SEMA4D: variants seen among roughly 807,000 people sequenced by gnomAD.
The protein encoded by SEMA4D is semaphorin-4D.
A neutral mutation model predicts 74.8 loss-of-function variants in SEMA4D; 22 were observed. That is an observed-to-expected ratio of 0.29 (90% confidence interval 0.21 to 0.42). The LOEUF (loss-of-function observed/expected upper bound fraction) is 0.42, where lower values mean the gene tolerates loss of function less well. SEMA4D is among the 10% of genes least tolerant of loss of function. SEMA4D has a pLI of 1.00. For synonymous variants in SEMA4D, 445 were observed against 463.7 expected, an observed-to-expected ratio of 0.96 and a Z score of 0.52; for missense variants, 937 against 1,118.4, an observed-to-expected ratio of 0.84 and a Z score of 2.31.
intron 1 of SEMA4D, among the ~76,000 whole-genome samples, chr9:89,483,720 T>C (rs1824913075): frequency 3.0e-5 from 3 of 101,532 alleles, no homozygotes; most frequent in African/African-American, 9.8e-5. Context: ...CTTACTGGCA[T>C]GTGTGCATCT....
At chr9:89,375,139 C>T (rs1315333669), downstream of SEMA4D, among the ~76,000 whole-genome samples, 1 of 152,228 alleles carries the variant, frequency 6.6e-6, no homozygotes, top group East Asian at 1.9e-4. Flanking sequence ...GGGTCCACGG[C>T]CAGTTCATAG....
rs150822143 is a variant in SEMA4D at position 89,400,142 on chromosome 9, G to A, written c.253-804C>T. Among the ~76,000 whole-genome samples the A allele has an allele frequency of 4.9e-3, 743 of 151,442 alleles. 7 individuals carry two copies. Among genetic ancestry groups the A allele is most frequent in the African/African-American group, 0.016 (677 of 41,364 alleles). ...CATGTTGGCAGCAGGAGGAAGTGAT[G>A]AACTAACACCACCAGCTCAGCTCAG... On this transcript the variant is annotated intron_variant, in intron 4 of 15. Coordinates refer to ENST00000422704, the MANE Select transcript of SEMA4D (RefSeq NM_001371194.2).
chr9:89,393,429 C>T (rs1840273095), intron 7 of SEMA4D, 133 bp downstream of exon 7: 4 of 715,044 alleles, frequency 5.6e-6, no homozygotes, highest in Admixed American at 2.7e-5. Flanking sequence ...TCACATGTGC[C>T]TTTTGTAAGG....
chr9:89,385,866 G>GGGGGGGGCCCCCCCCC, intron 13 of SEMA4D: 4 of 196,226 alleles, frequency 2.0e-5, no homozygotes, highest in Non-Finnish European at 3.6e-5. Flanking sequence ...CAGCGTGGAT[G>GGGGGGGGCCCCCCCCC]CCCGCCCACC....
chr9:89,388,557 A>G (rs1839080640), intron 11 of SEMA4D, 79 bp downstream of exon 11: 2 of 1,508,588 alleles, frequency 1.3e-6, no homozygotes, highest in African/African-American at 2.8e-5. Flanking sequence ...GCCCATGAGC[A>G]GGCCCCAGTG....
chr9:89,439,718 C>T (rs940551732), intron 2 of SEMA4D, among the ~76,000 whole-genome samples: 2 of 152,170 alleles, frequency 1.3e-5, no homozygotes, highest in African/African-American at 4.8e-5. Context: ...GGCCGGACCC[C>T]AGAGTGCACT....
At chr9:89,462,907 G>A (rs2135739614) in intron 1 of SEMA4D, among the ~76,000 whole-genome samples, 1 of 7,756 alleles carries the variant, frequency 1.3e-4, no homozygotes, top group Middle Eastern at 0.031. Context: ...TCATGTCACT[G>A]CACTCCAGCT....
exon 17 of SEMA4D, chr9:89,363,898 G>C: frequency 6.2e-7 from 1 of 1,614,086 alleles, no homozygotes. Flanking sequence ...CAGGGACACA[G>C]GTCTCCAGAG....
Position 89,393,471 on chromosome 9 carries a change from C to T in SEMA4D, c.508+91G>A, listed in dbSNP as rs879183575. On this transcript the variant is annotated intron_variant, in intron 7 of 15. Transcript: ENST00000422704. ...CCTATTTAAACAAAGCCAAGGAAGA[C>T]AGCACTTCAGAGAAGATCCAAATAT... The T allele has an allele frequency of 7.5e-6, 8 of 1,071,096 alleles. No individual in the cohort carries two copies. In the South Asian group the frequency reaches 1.1e-4, roughly 14 times the overall value. 66.3% of individuals were successfully genotyped at this position (1,071,096 alleles called of 1,614,324 possible). A position where few individuals can be genotyped will look rare whatever the true frequency, so the allele number is the denominator to read the frequency against.
Position 89,438,419 on chromosome 9 carries a change from C to T in SEMA4D, c.-244+17469G>A, listed in dbSNP as rs550486517. 1.4e-3 allele frequency among the ~76,000 whole-genome samples: 210 copies of T among 152,330 alleles called. 1 individual carries two copies. The highest frequency in any genetic ancestry group is 4.9e-3 in the African/African-American group (202 of 41,578). ...GAATGCAACAAGAAGGTGAGCAGGA[C>T]GACATTCACCGCGGGAGCCTGGTGA... On this transcript the variant is annotated intron_variant, in intron 2 of 15. Transcript: ENST00000422704.
chr9:89,491,141 G>A (rs957554990), intron 1 of SEMA4D, among the ~76,000 whole-genome samples: 1 of 152,230 alleles, frequency 6.6e-6, no homozygotes, highest in African/African-American at 2.4e-5. Flanking sequence ...GGGACTCCAC[G>A]TGGAAAGCAC....
chr9:89,450,221 T>C (rs1854018693), intron 2 of SEMA4D: 3 of 1,232,750 alleles, frequency 2.4e-6, no homozygotes, highest in East Asian at 2.3e-5. Flanking sequence ...TTGAGGTACA[T>C]GAAGTATATG....
chr9:89,398,076 C>T (rs1444332345), intron 5 of SEMA4D, among the ~76,000 whole-genome samples: 2 of 152,196 alleles, frequency 1.3e-5, no homozygotes, highest in African/African-American at 4.8e-5. Flanking sequence ...CAAAACCCCA[C>T]ATGTGAGCCA....
At chr9:89,451,500 T>C (rs1854494749) in intron 2 of SEMA4D, among the ~76,000 whole-genome samples, 1 of 152,206 alleles carries the variant, frequency 6.6e-6, no homozygotes, top group Non-Finnish European at 1.5e-5. Flanking sequence ...GAAGCTCAAC[T>C]GGATTTGTTC....
At chr9:89,485,797 A>G (rs1179196499) in intron 1 of SEMA4D, among the ~76,000 whole-genome samples, 1 of 54,836 alleles carries the variant, frequency 1.8e-5, no homozygotes, top group African/African-American at 6.6e-5. Context: ...TCAAAAAAAA[A>G]AAAAAAAAAA....
intron 1 of SEMA4D, among the ~76,000 whole-genome samples, chr9:89,461,700 C>CTCTCTTTTTTTTTTT (rs71281350): frequency 9.6e-6 from 1 of 103,646 alleles, no homozygotes; most frequent in Admixed American, 1.1e-4. Context: ...TCTTTTTTCT[C>CTCTCTTTTTTTTTTT]TTTTTTTTTT....
chr9:89,433,735 C>A (rs1849776045), intron 2 of SEMA4D, among the ~76,000 whole-genome samples: 1 of 152,326 alleles, frequency 6.6e-6, no homozygotes, highest in East Asian at 1.9e-4. Context: ...CCGGGGGCAA[C>A]AGGGAGACAC....
At chr9:89,442,853 C>G (rs568782879) in intron 2 of SEMA4D, among the ~76,000 whole-genome samples, 1 of 152,354 alleles carries the variant, frequency 6.6e-6, no homozygotes, top group East Asian at 1.9e-4. Context: ...TGAGTCAATG[C>G]TGGGGACCCT....
At chr9:89,397,090 G>C (rs1841143917) in intron 5 of SEMA4D, among the ~76,000 whole-genome samples, 1 of 152,092 alleles carries the variant, frequency 6.6e-6, no homozygotes, top group Non-Finnish European at 1.5e-5. Flanking sequence ...CCACCCCTAG[G>C]CAAACCTAAA....
Sources: gnomAD v4.1 joint callset for allele counts (sites outside exome capture counted in the v4.1 genomes callset) on GRCh38, gnomAD v4.1.1 for gene constraint, MANE v1.5 for transcripts, NCBI Gene and HGNC (gene_info 2026-07-23, HGNC 2026-07-21) for gene names.